Variants in UBR2 observed in about 807,000 individuals in gnomAD.
UBR2 encodes the protein E3 ubiquitin-protein ligase UBR2.
In UBR2, 92 loss-of-function variants were observed where a neutral mutation model predicts 247.9. The observed-to-expected ratio is 0.37, with a 90% CI of 0.31 to 0.44. The LOEUF is 0.44. Among genes scored for constraint, UBR2 ranks in the 20% least tolerant of loss-of-function variants. The probability of loss-of-function intolerance (pLI) is 1.00; values close to 1 mark genes in which losing one functional copy is unlikely to be tolerated. For synonymous variants in UBR2, 672 were observed against 693.5 expected (o/e 0.97, Z 0.49); for missense variants, 1,613 against 2,112.6 (o/e 0.76, Z 4.64).
chr6:42,567,012 G>A (rs932981164), intron 1 of UBR2, among the ~76,000 whole-genome samples: 1 of 152,120 alleles, frequency 6.6e-6, no homozygotes, highest in Non-Finnish European at 1.5e-5. Flanking sequence ...AATTAATAAA[G>A]TTTTTTCTTA....
rs36075254 is a variant in UBR2, at chr6:42,687,528, TTTTATTTA to T, written c.4854-665_4854-658del. 6.2e-3 allele frequency among the ~76,000 whole-genome samples: 924 copies of T among 149,232 alleles called. 13 individuals carry two copies. The highest frequency in any genetic ancestry group is 0.022 in the African/African-American group (874 of 40,648). ...AGGGAGAGCTGTATGTTGTATTTTA[TTTTATTTA>T]TTTATTTATTTATTTATTTATTGAG... On this transcript the variant is annotated intron_variant, in intron 44 of 46. Transcript: ENST00000372901.
chr6:42,637,050 G>T lies in UBR2; in HGVS notation c.1714G>T (p.Val572Leu), dbSNP rs768207875. The T allele has an allele frequency of 2.5e-6, 4 of 1,613,822 alleles. No individual in the cohort carries two copies. Among genetic ancestry groups the T allele is most frequent in the Non-Finnish European group, 3.4e-6 (4 of 1,179,872 alleles). Residue 572 changes from valine to leucine, a missense_variant, in exon 15 of 47, where the codon GTA (valine) becomes TTA (leucine). Around this residue, in one of 3 missense-constraint regions of UBR2, gnomAD observed 1,524 missense variants for 1,967.3 expected, o/e 0.77. Transcript: ENST00000372901. ...CGAAGCTTACAAGAAATGTCTCGCT[G>T]TACTGATGCAGTGTCATGGTGGTTA... ...LIEAYKKCLAVLMQCHGGYTD... is the reference protein window; with the variant it reads ...LIEAYKKCLALLMQCHGGYTD...
At position 42,658,331 on chromosome 6, in the gene UBR2, T is replaced by C; in HGVS notation, c.3063+11T>C. On this transcript the variant is annotated intron_variant, in intron 28 of 46. Coordinates refer to ENST00000372901, the MANE Select transcript of UBR2 (RefSeq NM_001363705.2). ...ACCATAATGGAAGAGGTATAAACAG[T>C]AAAAAGTGTGATAATACTAAAAAAT... 1 of 1,600,228 alleles carries C rather than the reference T, an allele frequency of 6.2e-7. No homozygotes were observed. The highest frequency in any genetic ancestry group is 8.5e-7 in the Non-Finnish European group (1 of 1,175,616).
chr6:42,644,156 A>G (rs2151960292), intron 18 of UBR2, 58 bp from the exon 19 acceptor site: 1 of 1,538,476 alleles, frequency 6.5e-7, no homozygotes, highest in Admixed American at 2.1e-5. Flanking sequence ...TTGTTTCAAT[A>G]GTGGCCCCTT....
intron 2 of UBR2, among the ~76,000 whole-genome samples, chr6:42,574,464 A>G (rs536341994): frequency 5.9e-5 from 9 of 152,100 alleles, no homozygotes; most frequent in Non-Finnish European, 1.3e-4. Context: ...ACAATCAGCT[A>G]TTTCTTTAAA....
chr6:42,580,847 G>A (rs574017188), intron 2 of UBR2, among the ~76,000 whole-genome samples: 2 of 152,056 alleles, frequency 1.3e-5, no homozygotes, highest in Admixed American at 6.5e-5. Context: ...GGCCTTAATT[G>A]TACATTTTTG....
At chr6:42,642,826 A>G (rs967418808) in intron 18 of UBR2, among the ~76,000 whole-genome samples, 1 of 152,148 alleles carries the variant, frequency 6.6e-6, no homozygotes, top group East Asian at 1.9e-4. Context: ...TTCTTTAACT[A>G]ATGTACTAAT....
chr6:42,616,421 CAT>C (rs957385447), intron 10 of UBR2, among the ~76,000 whole-genome samples: 4 of 151,424 alleles, frequency 2.6e-5, no homozygotes, highest in African/African-American at 9.7e-5. Flanking sequence ...GTTTAAATGA[CAT>C]ATATATGAAT....
intron 4 of UBR2, among the ~76,000 whole-genome samples, chr6:42,601,671 A>G (rs1476481073): frequency 7.2e-6 from 1 of 139,846 alleles, no homozygotes; most frequent in African/African-American, 2.7e-5. Context: ...CTGGGCGACA[A>G]GAGCGAAACT....
At chr6:42,679,897 C>T in intron 42 of UBR2, 65 bp downstream of exon 42, 1 of 1,118,968 alleles carries the variant, frequency 8.9e-7, no homozygotes, top group Non-Finnish European at 1.3e-6. Flanking sequence ...TTAGTTATCA[C>T]ATATGTAGCA....
chr6:42,570,066 A>C (rs1269685821), intron 1 of UBR2, among the ~76,000 whole-genome samples: 1 of 141,670 alleles, frequency 7.1e-6, no homozygotes, highest in Non-Finnish European at 1.5e-5. Flanking sequence ...TAGAACTAAT[A>C]TGAAAAGCTA....
chr6:42,617,116 C>A, intron 10 of UBR2: 2 of 766,554 alleles, frequency 2.6e-6, no homozygotes, highest in South Asian at 1.6e-5. Flanking sequence ...TGGTAGAAAT[C>A]ATTCCAGTTA....
Position 42,663,327 on chromosome 6 carries a change from T to C in UBR2, c.3606T>C (p.Asp1202=). Residue 1202 remains aspartate (D), a synonymous_variant, in exon 32 of 47, where the codon GAT becomes GAC. Coordinates refer to ENST00000372901, the MANE Select transcript of UBR2 (RefSeq NM_001363705.2). ...GATTACGCTTACATACGAGCTATGA[T>C]GTAGAAAACGGAGAATTCCTTTGCC... ...QQRLRLHTSY[D]VENGEFLCPL... The C allele has an allele frequency of 6.2e-7, 1 of 1,614,016 alleles. No individual in the cohort carries two copies. The highest frequency in any genetic ancestry group is 1.1e-5 in the South Asian group (1 of 91,052).
chr6:42,573,865 G>A lies in UBR2; in HGVS notation c.210G>A (p.Leu70=), dbSNP rs1402010713. 6.2e-7 allele frequency: 1 copy of A among 1,613,818 alleles called. No homozygotes were observed. The highest frequency in any genetic ancestry group is 8.5e-7 in the Non-Finnish European group (1 of 1,179,968). Residue 70 remains leucine, a synonymous_variant, in exon 2 of 47, where the codon TTG becomes TTA. Transcript: ENST00000372901. ...ACATGCTGGCACAGCATGTTTTGTT[G>A]GGACCAATGGAATGGTACCTTTGTG... ...KEDMLAQHVL[L]GPMEWYLCGE...
chr6:42,580,642 C>T (rs896009659), intron 2 of UBR2, among the ~76,000 whole-genome samples: 1 of 151,976 alleles, frequency 6.6e-6, no homozygotes, highest in South Asian at 2.1e-4. Flanking sequence ...TGGGTTCAAG[C>T]GATTCTCCTG....
rs113878447 is a variant in UBR2 at position 42,659,270 on chromosome 6, C to T, written c.3243-386C>T. On this transcript the variant is annotated intron_variant, in intron 29 of 46. Transcript: ENST00000372901. This position sits in a 1 kb window ranked among gnomAD's most constrained non-coding sequence, Gnocchi z 4.3. The stretch of plus-strand genomic sequence containing the variant: ...CAGCACTTCGGGAGGCCAAGGCGGG[C>T]GGATCACAAGGTGAGGAGTTCGAGA... Among the ~76,000 whole-genome samples, 1,707 of 151,766 alleles carry T rather than the reference C, an allele frequency of 0.011. 25 individuals carry two copies. Among genetic ancestry groups the T allele is most frequent in the African/African-American group, 0.04 (1,654 of 41,350 alleles).
At chr6:42,599,797 C>T (rs530845649) in intron 4 of UBR2, among the ~76,000 whole-genome samples, 1 of 152,222 alleles carries the variant, frequency 6.6e-6, no homozygotes, top group South Asian at 2.1e-4. Context: ...ACCACAGGCA[C>T]ATACCCTGCT....
At chr6:42,643,885 T>G (rs1349575975) in intron 18 of UBR2, among the ~76,000 whole-genome samples, 1 of 152,262 alleles carries the variant, frequency 6.6e-6, no homozygotes, top group Non-Finnish European at 1.5e-5. Flanking sequence ...AATAAAATTT[T>G]GGCACTGAAT....
At chr6:42,690,533 C>A (rs1263635599) in intron 46 of UBR2, among the ~76,000 whole-genome samples, 1 of 152,216 alleles carries the variant, frequency 6.6e-6, no homozygotes, top group Non-Finnish European at 1.5e-5. Context: ...AAGTTACTCA[C>A]ATTTGATTGC....
Sources: allele counts gnomAD v4.1 joint callset (sites outside exome capture counted in the v4.1 genomes callset), GRCh38; gene constraint gnomAD v4.1.1; regional missense constraint gnomAD v4.1.1; non-coding constraint Gnocchi (gnomAD v3.1); transcripts MANE v1.5; gene names NCBI Gene and HGNC (gene_info 2026-07-23, HGNC 2026-07-21).